Variants in CSTF3 observed in about 807,000 individuals in gnomAD.
CSTF3 encodes the protein CF-1 77 kDa subunit.
A neutral mutation model predicts 105.8 loss-of-function variants in CSTF3; 29 were observed. The observed-to-expected ratio is 0.27, with a 90% CI of 0.20 to 0.37. CSTF3 has a LOEUF of 0.37. Ranked by LOEUF, CSTF3 falls within the 10% of genes least tolerant of loss-of-function variation. The pLI is 1.00. For missense variants in CSTF3, 357 were observed against 879.3 expected (o/e 0.41, Z 7.51); for synonymous variants, 252 against 281.9 (o/e 0.89, Z 1.06).
chr11:33,133,120 G>GA (rs1211253353), intron 3 of CSTF3, among the ~76,000 whole-genome samples: 2 of 151,932 alleles, frequency 1.3e-5, no homozygotes, highest in South Asian at 2.1e-4. Context: ...CTTCTTAAAT[G>GA]AAAAAAATCA....
chr11:33,128,964 C>T (rs1855571475), intron 3 of CSTF3, among the ~76,000 whole-genome samples: 1 of 152,154 alleles, frequency 6.6e-6, no homozygotes, highest in South Asian at 2.1e-4. Flanking sequence ...CTTGACTCAC[C>T]ATCCCCCATC....
At chr11:33,145,378 A>ATC (rs1192922314) in intron 1 of CSTF3, among the ~76,000 whole-genome samples, 1 of 152,152 alleles carries the variant, frequency 6.6e-6, no homozygotes, top group East Asian at 1.9e-4. Context: ...TTGAGCCATG[A>ATC]TCGCACCACT....
At chr11:33,109,573 T>C (rs984400731) in intron 3 of CSTF3, among the ~76,000 whole-genome samples, 3 of 152,186 alleles carry the variant, frequency 2.0e-5, no homozygotes, top group Admixed American at 1.3e-4. Flanking sequence ...TAACCTCTTT[T>C]TCCCTCAGCT....
intron 1 of CSTF3, among the ~76,000 whole-genome samples, chr11:33,153,541 G>C (rs1182670366): frequency 1.4e-4 from 22 of 152,032 alleles, no homozygotes; most frequent in Admixed American, 1.4e-3. Context: ...GGGAGGCTGA[G>C]GTGGGAGGAG....
chr11:33,103,079 A>G lies in CSTF3; in HGVS notation c.663+28T>C, dbSNP rs1250650871. 4 of 1,414,584 alleles carry G rather than the reference A, an allele frequency of 2.8e-6. No individual in the cohort carries two copies. The African/African-American group carries it at 4.4e-5, about 16-fold the overall frequency. 87.6% of individuals were successfully genotyped at this position (1,414,584 alleles called of 1,614,324 possible). ...TGTAAACAACAGACTCATAATAATC[A>G]TTAAAATAGCCTGATGGAATTCCAT... On this transcript the variant is annotated intron_variant, in intron 9 of 20. Transcript: ENST00000323959.
intron 1 of CSTF3, among the ~76,000 whole-genome samples, chr11:33,148,123 A>G (rs1420067551): frequency 2.0e-5 from 3 of 152,270 alleles, no homozygotes; most frequent in African/African-American, 7.2e-5. Context: ...GGTATACCAT[A>G]TAATCTGTAA....
At chr11:33,122,642 T>C (rs1436899126) in intron 3 of CSTF3, among the ~76,000 whole-genome samples, 5 of 151,790 alleles carry the variant, frequency 3.3e-5, no homozygotes, top group African/African-American at 9.7e-5. Context: ...AGGCCGAGCA[T>C]GGTGGCTCAA....
rs758066009 is a variant in CSTF3, at chr11:33,102,359, A to G, written c.664-20T>C. On this transcript the variant is annotated intron_variant, in intron 9 of 20. Transcript: ENST00000323959. ...ATATTCCTAGACAACAAGGATTTAG[A>G]ATTCTTTGGTGAGCCAGGAACAACT... 1 of 1,612,922 alleles carries G rather than the reference A, an allele frequency of 6.2e-7. No individual in the cohort carries two copies. The highest frequency in any genetic ancestry group is 1.7e-5 in the Admixed American group (1 of 59,946).
At chr11:33,090,780 G>T in intron 16 of CSTF3, 53 bp from the exon 17 acceptor site, 1 of 1,292,142 alleles carries the variant, frequency 7.7e-7, no homozygotes, top group Non-Finnish European at 1.0e-6. Flanking sequence ...TTTAGGGCAG[G>T]GAGTTCATTT....
chr11:33,148,879 A>T (rs1397359046), intron 1 of CSTF3, among the ~76,000 whole-genome samples: 6 of 94,278 alleles, frequency 6.4e-5, no homozygotes, highest in Non-Finnish European at 7.9e-5. Context: ...TTTTTTTTTT[A>T]AAGAGACAGG....
Position 33,085,714 on chromosome 11 carries a change from A to G in CSTF3, c.1950T>C (p.Asn650=). 1 of 1,609,504 alleles carries G rather than the reference A, an allele frequency of 6.2e-7. No homozygotes were observed. The highest frequency in any genetic ancestry group is 1.8e-4 in the Middle Eastern group (1 of 5,688). Reference sequence around the variant, plus strand: ...TGAAATGGAGCTTCTGTTACTTACTATTTGGTATCTTGCATCTTCGGAAAA... The same window carrying G: ...TGAAATGGAGCTTCTGTTACTTACTGTTTGGTATCTTGCATCTTCGGAAAA... ...MEIFRRCKIP[N]TVEEAVRIIT... is the part of the protein sequence containing the mutation. Residue 650 remains asparagine (N), a splice_region_variant and synonymous_variant, in exon 20 of 21, where the codon AAT becomes AAC. Transcript: ENST00000323959.
chr11:33,103,246 GTTAAT>G (rs2133776214), intron 8 of CSTF3, 62 bp from the exon 9 acceptor site: 1 of 694,496 alleles, frequency 1.4e-6, no homozygotes. Context: ...GTACAATACA[GTTAAT>G]TTATTCATTT....
intron 3 of CSTF3, among the ~76,000 whole-genome samples, chr11:33,113,938 A>G (rs1038586931): frequency 1.3e-5 from 2 of 152,186 alleles, no homozygotes; most frequent in Admixed American, 1.3e-4. Flanking sequence ...TAAAACAAGT[A>G]TAACATGATG....
intron 8 of CSTF3, among the ~76,000 whole-genome samples, chr11:33,103,696 C>T (rs1442973129): frequency 2.0e-5 from 3 of 151,908 alleles, no homozygotes; most frequent in African/African-American, 4.8e-5. Flanking sequence ...CTTGAAATGG[C>T]GAGGCAGAGG....
intron 6 of CSTF3, 36 bp downstream of exon 6, chr11:33,105,962 C>T (rs760434550): frequency 1.3e-6 from 2 of 1,576,106 alleles, no homozygotes; most frequent in African/African-American, 2.7e-5. Context: ...GGTATTCTTA[C>T]ATTTAAGTGC....
Position 33,123,859 on chromosome 11 carries a change from A to G in CSTF3, c.226-15441T>C, listed in dbSNP as rs1453233118. Among the ~76,000 whole-genome samples, 3 of 152,038 alleles carry G rather than the reference A, an allele frequency of 2.0e-5. No homozygotes were observed. In the East Asian group the frequency reaches 5.8e-4, roughly 29 times the overall value. The stretch of plus-strand genomic sequence containing the variant: ...CTTTTCACTGTAGGTTTCTTTTGTT[A>G]TCTTCTGATTTTTGAACCTTATTTT... On this transcript the variant is annotated intron_variant, in intron 3 of 20. Coordinates refer to ENST00000323959, the MANE Select transcript of CSTF3 (RefSeq NM_001326.3).
chr11:33,087,211 T>C, intron 17 of CSTF3, 70 bp from the exon 18 acceptor site: 2 of 1,517,516 alleles, frequency 1.3e-6, no homozygotes, highest in Non-Finnish European at 1.8e-6. Context: ...TGCAATAACC[T>C]TGAGGATACA....
intron 3 of CSTF3, among the ~76,000 whole-genome samples, chr11:33,137,844 A>C (rs563652208): frequency 6.6e-6 from 1 of 151,952 alleles, no homozygotes; most frequent in African/African-American, 2.4e-5. Context: ...TTGTATCTGC[A>C]TTTTAAAATC....
chr11:33,097,908 T>C (rs1855241608), intron 13 of CSTF3, among the ~76,000 whole-genome samples: 2 of 152,150 alleles, frequency 1.3e-5, no homozygotes, highest in South Asian at 4.1e-4. Flanking sequence ...TTTTGATGGA[T>C]GGATGGATGG....
Sources: allele counts gnomAD v4.1 joint callset (sites outside exome capture counted in the v4.1 genomes callset), GRCh38; gene constraint gnomAD v4.1.1; transcripts MANE v1.5; gene names NCBI Gene and HGNC (gene_info 2026-07-23, HGNC 2026-07-21).